The following PCMTD1 variants were observed in gnomAD, a reference collection of about 807,000 sequenced individuals.
The protein encoded by PCMTD1 is protein-L-isoaspartate (D-aspartate) O-methyltransferase domain containing 1.
PCMTD1 carries 12 observed loss-of-function variants against 37.6 expected under a neutral mutation model. That is an observed-to-expected ratio of 0.32 (90% CI 0.20 to 0.52). The LOEUF (loss-of-function observed/expected upper bound fraction) is 0.52. Ranked by LOEUF, PCMTD1 falls within the 20% of genes least tolerant of loss-of-function variation. PCMTD1 has a pLI of 0.97. For missense variants in PCMTD1, 235 were observed against 421.3 expected (o/e 0.56, Z 3.87); for synonymous variants, 117 against 135.8 (o/e 0.86, Z 0.96).
At chr8:51,831,648 AG>A (rs2129275858) in intron 4 of PCMTD1, 81 bp from the exon 5 acceptor site, 2 of 1,422,960 alleles carry the variant, frequency 1.4e-6, no homozygotes, top group African/African-American at 1.4e-5. Flanking sequence ...CTTTGTTTTA[AG>A]GGAACAACTG....
chr8:51,827,794 A>G (rs542134367), intron 5 of PCMTD1, among the ~76,000 whole-genome samples: 4 of 151,776 alleles, frequency 2.6e-5, no homozygotes, highest in South Asian at 4.2e-4. Context: ...TAAATATTTC[A>G]GAGGTATAAT....
intron 1 of PCMTD1, among the ~76,000 whole-genome samples, chr8:51,872,029 C>A (rs1201350884): frequency 2.0e-4 from 31 of 152,164 alleles, no homozygotes; most frequent in Non-Finnish European, 4.0e-4. Flanking sequence ...GGCTTGGAAA[C>A]AGTGTGAACT....
At chr8:51,831,931 A>G (rs560537551) in intron 4 of PCMTD1, among the ~76,000 whole-genome samples, 5 of 152,150 alleles carry the variant, frequency 3.3e-5, no homozygotes, top group Non-Finnish European at 7.4e-5. Flanking sequence ...CATTATAGTA[A>G]TAAGACCATA....
At chr8:51,862,234 C>T (rs2038482319) in intron 1 of PCMTD1, among the ~76,000 whole-genome samples, 1 of 152,132 alleles carries the variant, frequency 6.6e-6, no homozygotes, top group African/African-American at 2.4e-5. Flanking sequence ...ACAAACCCCA[C>T]ACTCATGTTT....
chr8:51,871,416 C>T (rs188752948), intron 1 of PCMTD1, among the ~76,000 whole-genome samples: 2 of 152,302 alleles, frequency 1.3e-5, no homozygotes, highest in East Asian at 1.9e-4. Context: ...GCTGCCCTTC[C>T]GTGCTCACAG....
In PCMTD1 at chr8:51,898,972, G is replaced by A. The variant is rs1005556507; in HGVS notation, c.-138C>T. The stretch of plus-strand genomic sequence containing the variant: ...GCGCGCAGGCCAGGCGCTAGGACTC[G>A]GCGGGGTCCGCAGCAGCCAGACGCC... On this transcript the variant is annotated 5_prime_UTR_variant, in exon 1 of 6. Coordinates refer to ENST00000522514, the MANE Select transcript of PCMTD1 (RefSeq NM_052937.4). 3.4e-6 allele frequency: 5 copies of A among 1,491,900 alleles called. No homozygotes were observed. In the Admixed American group the frequency reaches 8.7e-5, roughly 26 times the overall value. The allele number at this position is 1,491,900 out of a possible 1,614,324, so 92.4% of individuals were successfully genotyped here. A position where few individuals can be genotyped will look rare whatever the true frequency, so the allele number is the denominator to read the frequency against.
At chr8:51,898,414 T>C (rs1484071538) in intron 1 of PCMTD1, among the ~76,000 whole-genome samples, 1 of 151,734 alleles carries the variant, frequency 6.6e-6, no homozygotes, top group Non-Finnish European at 1.5e-5. Flanking sequence ...AACCTCTCAG[T>C]CCCCTCCCAG....
intron 2 of PCMTD1, among the ~76,000 whole-genome samples, chr8:51,847,925 A>C (rs1453683895): frequency 6.6e-6 from 1 of 151,702 alleles, no homozygotes; most frequent in Non-Finnish European, 1.5e-5. Flanking sequence ...AATAAACTAA[A>C]AAAAAAGTAG....
chr8:51,861,223 T>C lies in PCMTD1; in HGVS notation c.-72A>G. ...GTAGAAATGGCTTCCAATATTGCAC[T>C]TGATTTCCAAAAATAAATTAATCCT... On this transcript the variant is annotated 5_prime_UTR_variant, in exon 2 of 6. Coordinates refer to ENST00000522514, the MANE Select transcript of PCMTD1 (RefSeq NM_052937.4). 1 of 1,473,040 alleles carries C rather than the reference T, an allele frequency of 6.8e-7. No homozygotes were observed. Among genetic ancestry groups the C allele is most frequent in the Non-Finnish European group, 9.0e-7 (1 of 1,109,664 alleles). The allele number at this position is 1,473,040 out of a possible 1,614,324, so 91.2% of individuals were successfully genotyped here. A position where few individuals can be genotyped will look rare whatever the true frequency, so the allele number is the denominator to read the frequency against.
intron 5 of PCMTD1, among the ~76,000 whole-genome samples, chr8:51,823,046 A>G (rs1261694336): frequency 6.6e-6 from 1 of 152,192 alleles, no homozygotes; most frequent in East Asian, 1.9e-4. Flanking sequence ...ATCCTAAATC[A>G]TCAGAGGAAT....
chr8:51,831,365 T>C, intron 5 of PCMTD1, 79 bp downstream of exon 5: 1 of 1,365,732 alleles, frequency 7.3e-7, no homozygotes, highest in Non-Finnish European at 1.0e-6. Context: ...TCTTCATAAT[T>C]ACATAGTCTT....
chr8:51,893,594 C>A (rs746010712), intron 1 of PCMTD1, among the ~76,000 whole-genome samples: 2 of 152,110 alleles, frequency 1.3e-5, no homozygotes, highest in Non-Finnish European at 2.9e-5. Context: ...TCTGACTCAA[C>A]AGCATGGAAA....
At position 51,899,024 on chromosome 8, in the gene PCMTD1, G is replaced by C; in HGVS notation, c.-190C>G. ...CTACCACCACAATAACAACACGGAC[G>C]CCACCGCCGAGTGGAGAGGCGGGGC... On this transcript the variant is annotated 5_prime_UTR_variant, in exon 1 of 6. Transcript: ENST00000522514. The C allele has an allele frequency of 6.6e-7, 1 of 1,511,648 alleles. No homozygotes were observed. The highest frequency in any genetic ancestry group is 8.8e-7 in the Non-Finnish European group (1 of 1,136,884). The allele number at this position is 1,511,648 out of a possible 1,614,324, so 93.6% of individuals were successfully genotyped here. A position where few individuals can be genotyped will look rare whatever the true frequency, so the allele number is the denominator to read the frequency against.
At chr8:51,884,180 A>G (rs111797308) in intron 1 of PCMTD1, among the ~76,000 whole-genome samples, 3 of 152,316 alleles carry the variant, frequency 2.0e-5, no homozygotes, top group African/African-American at 7.2e-5. Flanking sequence ...TTAAAGCCTT[A>G]TATTATTAAA....
intron 1 of PCMTD1, among the ~76,000 whole-genome samples, chr8:51,877,754 G>A (rs1451618750): frequency 6.6e-6 from 1 of 152,014 alleles, no homozygotes; most frequent in Non-Finnish European, 1.5e-5. Flanking sequence ...AAACTAAGGG[G>A]GAAAAAGATA....
Position 51,876,398 on chromosome 8 carries a change from A to C in PCMTD1, c.-95-15152T>G, listed in dbSNP as rs892747181. Among the ~76,000 whole-genome samples, 288 of 152,206 alleles carry C rather than the reference A, an allele frequency of 1.9e-3. 1 individual carries two copies. Among genetic ancestry groups the C allele is most frequent in the Admixed American group, 5.6e-3 (85 of 15,274 alleles). Reference sequence around the variant, plus strand: ...AAAATATACATAAACACACACACAAAAAAAAATAGAAAACTGCAGAAATAC... The same window carrying C: ...AAAATATACATAAACACACACACAACAAAAAATAGAAAACTGCAGAAATAC... On this transcript the variant is annotated intron_variant, in intron 1 of 5. Transcript: ENST00000522514.
At position 51,817,955 on chromosome 8, in the gene PCMTD1, T is replaced by C. The variant is rs567388433; in HGVS notation, c.*2396A>G. On this transcript the variant is annotated 3_prime_UTR_variant, in exon 6 of 6. Transcript: ENST00000522514. The stretch of plus-strand genomic sequence containing the variant: ...CAAAATAAACACCCAAATTAGATGA[T>C]ACTTACTGTTTTAACTAGCTATAAA... The C allele has an allele frequency of 6.6e-5, 30 of 456,774 alleles. No homozygotes were observed. Among genetic ancestry groups the C allele is most frequent in the African/African-American group, 5.8e-4 (29 of 50,214 alleles). 28.3% of individuals were successfully genotyped at this position (456,774 alleles called of 1,614,324 possible). A position where few individuals can be genotyped will look rare whatever the true frequency, so the allele number is the denominator to read the frequency against.
intron 3 of PCMTD1, 70 bp downstream of exon 3, chr8:51,845,591 T>C (rs1182438695): frequency 1.8e-6 from 2 of 1,092,558 alleles, no homozygotes; most frequent in Non-Finnish European, 2.8e-6. Flanking sequence ...AATAATAGTG[T>C]TCAAGAATAG....
intron 1 of PCMTD1, among the ~76,000 whole-genome samples, chr8:51,888,427 T>C (rs1402851376): frequency 6.6e-6 from 1 of 152,156 alleles, no homozygotes; most frequent in Admixed American, 6.5e-5. Flanking sequence ...TAACAAAATA[T>C]TAAGACATTT....
Sources: allele counts gnomAD v4.1 joint callset (sites outside exome capture counted in the v4.1 genomes callset), GRCh38; gene constraint gnomAD v4.1.1; transcripts MANE v1.5; gene names NCBI Gene and HGNC (gene_info 2026-07-23, HGNC 2026-07-21).